CLYBL: variants seen among roughly 807,000 people sequenced by gnomAD.
The protein encoded by CLYBL is citramalyl-CoA lyase, mitochondrial.
In CLYBL, 31 loss-of-function variants were observed where a neutral mutation model predicts 38.9. The ratio of observed to expected loss-of-function variants is 0.80; its 90% CI spans 0.60 to 1.08. The LOEUF is 1.08. CLYBL is among the 50% of genes least tolerant of loss of function. CLYBL has a pLI of 0.00. For synonymous variants in CLYBL, 171 were observed against 158.6 expected (o/e 1.08, Z -0.59); for missense variants, 434 against 411.6 (o/e 1.05, Z -0.47).
At chr13:99,792,174 G>A (rs2049931361) in intron 2 of CLYBL, among the ~76,000 whole-genome samples, 1 of 152,196 alleles carries the variant, frequency 6.6e-6, no homozygotes, top group African/African-American at 2.4e-5. Flanking sequence ...TACTTGAGCA[G>A]TTCTCGGAAG....
At chr13:99,891,018 A>G (rs1320334489) in intron 7 of CLYBL, among the ~76,000 whole-genome samples, 1 of 152,056 alleles carries the variant, frequency 6.6e-6, no homozygotes, top group Non-Finnish European at 1.5e-5. Flanking sequence ...AAGTATTTAG[A>G]TTTTCCTTCC....
chr13:99,759,689 C>T (rs187182164), intron 1 of CLYBL, among the ~76,000 whole-genome samples: 160 of 152,182 alleles, frequency 1.1e-3, no homozygotes, highest in African/African-American at 3.8e-3. Context: ...GTTAATAATA[C>T]TATAGTAGCT....
At position 99,793,814 on chromosome 13, in the gene CLYBL, G is replaced by A. The variant is rs185335849; in HGVS notation, c.249+20804G>A. Reference sequence around the variant, plus strand: ...TAAGACTGAGTATGATCTATAATGTGATATATCTGGCTACAGAAAGCCCGG... The same window carrying A: ...TAAGACTGAGTATGATCTATAATGTAATATATCTGGCTACAGAAAGCCCGG... On this transcript the variant is annotated intron_variant, in intron 2 of 8. Transcript: ENST00000339105. 1.2e-3 allele frequency among the ~76,000 whole-genome samples: 176 copies of A among 151,008 alleles called. No individual in the cohort carries two copies. The South Asian group carries it at 0.017, about 14-fold the overall frequency.
intron 1 of CLYBL, among the ~76,000 whole-genome samples, chr13:99,644,206 GTGTATATGTGGTGTA>G (rs1044904979): frequency 6.9e-6 from 1 of 144,994 alleles, no homozygotes. Context: ...TGTGGTGTAT[GTGTATATGTGGTGTA>G]TGTATATGTG....
At chr13:99,783,704 C>A (rs1293854327) in intron 2 of CLYBL, among the ~76,000 whole-genome samples, 3 of 152,136 alleles carry the variant, frequency 2.0e-5, no homozygotes, top group Non-Finnish European at 4.4e-5. Context: ...CTCGGCCTCC[C>A]AAAGTGCTGG....
chr13:99,704,468 T>C (rs2139469423), intron 1 of CLYBL, among the ~76,000 whole-genome samples: 1 of 152,320 alleles, frequency 6.6e-6, no homozygotes, highest in Non-Finnish European at 1.5e-5. Flanking sequence ...TAAATCATGA[T>C]TGCAAACTAA....
At chr13:99,838,346 G>T (rs1334849272) in intron 2 of CLYBL, among the ~76,000 whole-genome samples, 1 of 152,132 alleles carries the variant, frequency 6.6e-6, no homozygotes, top group African/African-American at 2.4e-5. Flanking sequence ...GGAGGAGGGG[G>T]GTTCTTTCGA....
At chr13:99,686,501 ATT>A (rs1221093225) in intron 1 of CLYBL, among the ~76,000 whole-genome samples, 1 of 106,514 alleles carries the variant, frequency 9.4e-6, no homozygotes, top group Non-Finnish European at 1.9e-5. Context: ...ACATAAAAGT[ATT>A]TGTTTCAACA....
chr13:99,824,087 T>C (rs1365224965), intron 2 of CLYBL, among the ~76,000 whole-genome samples: 1 of 152,266 alleles, frequency 6.6e-6, no homozygotes, highest in Non-Finnish European at 1.5e-5. Flanking sequence ...TATTTTATCC[T>C]CACAGATCAG....
intron 7 of CLYBL, among the ~76,000 whole-genome samples, chr13:99,883,831 T>A (rs959475457): frequency 6.6e-6 from 1 of 152,180 alleles, no homozygotes; most frequent in Non-Finnish European, 1.5e-5. Context: ...CTTCTAAAGC[T>A]GACTTTTAAA....
At chr13:99,708,937 A>G (rs917742712) in intron 1 of CLYBL, among the ~76,000 whole-genome samples, 1 of 152,114 alleles carries the variant, frequency 6.6e-6, no homozygotes, top group African/African-American at 2.4e-5. Context: ...TACTAAAAAT[A>G]CAAAAATTAG....
chr13:99,629,236 T>G (rs1046068655), intron 1 of CLYBL, among the ~76,000 whole-genome samples: 1 of 152,230 alleles, frequency 6.6e-6, no homozygotes, highest in Non-Finnish European at 1.5e-5. Flanking sequence ...CTTCAGTGTT[T>G]CTGTTCACCA....
Position 99,705,810 on chromosome 13 carries a change from A to G in CLYBL, c.63-67014A>G, listed in dbSNP as rs2048138246. Reference sequence around the variant, plus strand: ...TTACAGTTTCAGTAGGGGGTGATGGAAAAGTTCTAGAGATACATAGTGGTA... The same window carrying G: ...TTACAGTTTCAGTAGGGGGTGATGGGAAAGTTCTAGAGATACATAGTGGTA... On this transcript the variant is annotated intron_variant, in intron 1 of 8. Transcript: ENST00000339105. Among the ~76,000 whole-genome samples, 7 of 152,166 alleles carry G rather than the reference A, an allele frequency of 4.6e-5. No individual in the cohort carries two copies. The South Asian group carries it at 1.4e-3, about 31-fold the overall frequency.
chr13:99,821,622 C>T lies in CLYBL; in HGVS notation c.250-37239C>T, dbSNP rs368081400. ...CCCAGCTCTCACAGGTCTGGCTTAG[C>T]CCAATGGTATTGAGTCCAGACTCAG... On this transcript the variant is annotated intron_variant, in intron 2 of 8. Coordinates refer to ENST00000339105, the MANE Select transcript of CLYBL (RefSeq NM_206808.5). Among the ~76,000 whole-genome samples the T allele has an allele frequency of 3.3e-5, 5 of 152,222 alleles. No homozygotes were observed. The East Asian group carries it at 7.7e-4, about 23-fold the overall frequency.
intron 7 of CLYBL, among the ~76,000 whole-genome samples, chr13:99,886,576 A>G (rs750561219): frequency 3.3e-5 from 5 of 152,282 alleles, no homozygotes; most frequent in Admixed American, 1.3e-4. Context: ...GCAATTGACC[A>G]GTGATTTATT....
At chr13:99,813,291 T>G (rs895246186) in intron 2 of CLYBL, among the ~76,000 whole-genome samples, 2 of 152,232 alleles carry the variant, frequency 1.3e-5, no homozygotes, top group African/African-American at 4.8e-5. Flanking sequence ...ATCATTTGCA[T>G]CTGACATTAA....
intron 2 of CLYBL, among the ~76,000 whole-genome samples, chr13:99,788,044 G>A (rs539395562): frequency 4.6e-5 from 7 of 152,276 alleles, no homozygotes; most frequent in Non-Finnish European, 1.0e-4. Context: ...TTTGCACATT[G>A]ATTTTGTATC....
intron 2 of CLYBL, among the ~76,000 whole-genome samples, chr13:99,790,647 G>A (rs7333425): frequency 0.031 from 4,702 of 152,220 alleles, 256 homozygotes; most frequent in African/African-American, 0.11. Flanking sequence ...ATGACTAATT[G>A]TCTGAATCTC....
chr13:99,852,639 C>G (rs906411385), intron 2 of CLYBL, among the ~76,000 whole-genome samples: 2 of 152,088 alleles, frequency 1.3e-5, no homozygotes, highest in African/African-American at 2.4e-5. Flanking sequence ...TGGAAATATT[C>G]AAATATATAC....
Sources: gnomAD v4.1 joint callset for allele counts (sites outside exome capture counted in the v4.1 genomes callset) on GRCh38, gnomAD v4.1.1 for gene constraint, MANE v1.5 for transcripts, NCBI Gene and HGNC (gene_info 2026-07-23, HGNC 2026-07-21) for gene names.